The following SAMD3 variants were observed in gnomAD, a reference collection of about 807,000 sequenced individuals.
SAMD3 encodes sterile alpha motif domain containing 3, also known as sterile alpha motif domain-containing protein 3.
Under a neutral mutation model 58.5 loss-of-function variants are expected in SAMD3, and 63 were observed. The ratio of observed to expected loss-of-function variants is 1.08; its 90% CI spans 0.88 to 1.33. SAMD3 has a LOEUF of 1.33. Among genes scored for constraint, SAMD3 ranks in the 40% most tolerant of loss-of-function variants. SAMD3 has a pLI of 0.00. For synonymous variants in SAMD3, 220 were observed against 210.3 expected (o/e 1.05, Z -0.40); for missense variants, 604 against 608.4 (o/e 0.99, Z 0.08).
At chr6:130,170,100 A>G (rs1311307064) in intron 8 of SAMD3, among the ~76,000 whole-genome samples, 2 of 152,206 alleles carry the variant, frequency 1.3e-5, no homozygotes, top group African/African-American at 4.8e-5. Context: ...GTTAATAGGT[A>G]CACATGTACC....
chr6:130,361,404 G>A (rs1777985716), intron 1 of SAMD3, among the ~76,000 whole-genome samples: 1 of 152,136 alleles, frequency 6.6e-6, no homozygotes, highest in Non-Finnish European at 1.5e-5. Context: ...TAAATAGCAC[G>A]ATTTAAACTG....
At chr6:130,175,423 G>A (rs1791631082) in intron 8 of SAMD3, among the ~76,000 whole-genome samples, 1 of 152,164 alleles carries the variant, frequency 6.6e-6, no homozygotes, top group Admixed American at 6.5e-5. Flanking sequence ...TTGTATCCAT[G>A]CATGTGGGTT....
intron 5 of SAMD3, among the ~76,000 whole-genome samples, chr6:130,202,084 G>C (rs1426545204): frequency 1.3e-5 from 2 of 152,184 alleles, no homozygotes; most frequent in Non-Finnish European, 2.9e-5. Flanking sequence ...AAGAAAAACA[G>C]ATTAGAAATC....
chr6:130,232,120 C>T (rs1035562908), intron 2 of SAMD3, among the ~76,000 whole-genome samples: 17 of 152,082 alleles, frequency 1.1e-4, no homozygotes, highest in African/African-American at 4.1e-4. Context: ...TGTCAGTGTC[C>T]ACCCACAGCC....
intron 2 of SAMD3, among the ~76,000 whole-genome samples, chr6:130,240,504 A>G (rs938988945): frequency 2.0e-5 from 3 of 152,232 alleles, no homozygotes; most frequent in African/African-American, 7.2e-5. Flanking sequence ...TTTTGAAAAC[A>G]GTCTAAATCA....
intron 2 of SAMD3, among the ~76,000 whole-genome samples, chr6:130,231,174 A>G (rs575296090): frequency 1.3e-5 from 2 of 152,352 alleles, no homozygotes; most frequent in South Asian, 4.1e-4. Flanking sequence ...AGTTAAGATA[A>G]TAATACACGA....
intron 5 of SAMD3, among the ~76,000 whole-genome samples, chr6:130,206,594 A>G (rs903922101): frequency 6.6e-5 from 10 of 152,318 alleles, no homozygotes; most frequent in African/African-American, 2.2e-4. Flanking sequence ...AATATATACT[A>G]AGGCAGGACA....
chr6:130,259,593 A>G (rs1774043600), intron 2 of SAMD3, among the ~76,000 whole-genome samples: 1 of 152,246 alleles, frequency 6.6e-6, no homozygotes, highest in South Asian at 2.1e-4. Flanking sequence ...AATGATCAAA[A>G]GATACAGTGA....
chr6:130,198,193 T>C (rs995904667), intron 5 of SAMD3, among the ~76,000 whole-genome samples: 4 of 152,156 alleles, frequency 2.6e-5, no homozygotes, highest in African/African-American at 9.7e-5. Context: ...CAAAGCCTGT[T>C]TGGTGGTCTC....
chr6:130,308,736 T>C (rs1776037156), intron 2 of SAMD3, among the ~76,000 whole-genome samples: 1 of 152,120 alleles, frequency 6.6e-6, no homozygotes, highest in African/African-American at 2.4e-5. Flanking sequence ...ACTTCTTAGA[T>C]ACTGATTCAC....
At chr6:130,325,258 C>G (rs1481578486) in intron 1 of SAMD3, among the ~76,000 whole-genome samples, 1 of 152,118 alleles carries the variant, frequency 6.6e-6, no homozygotes, top group Non-Finnish European at 1.5e-5. Flanking sequence ...CCAAGAGTCC[C>G]TTGATATGGT....
At position 130,255,167 on chromosome 6, in the gene SAMD3, A is replaced by C. The variant is rs140217941; in HGVS notation, c.-187-32354T>G. ...CATTGTGATCAGAAAATGGTACTTT[A>C]TATGATTTCAGTTTTCTTAACTTTG... On this transcript the variant is annotated intron_variant, in intron 2 of 13. Transcript: ENST00000368134. Among the ~76,000 whole-genome samples the C allele has an allele frequency of 3.7e-4, 56 of 152,268 alleles. 1 individual carries two copies. Among genetic ancestry groups the C allele is most frequent in the African/African-American group, 1.1e-3 (46 of 41,566 alleles).
intron 9 of SAMD3, 76 bp downstream of exon 9, chr6:130,154,749 A>G (rs895043895): frequency 9.8e-6 from 4 of 407,154 alleles, no homozygotes; most frequent in Non-Finnish European, 1.7e-5. Context: ...ATATGTATGT[A>G]TATATAATAT....
chr6:130,272,446 T>G (rs2114938051), intron 2 of SAMD3, among the ~76,000 whole-genome samples: 1 of 152,292 alleles, frequency 6.6e-6, no homozygotes, highest in Admixed American at 6.5e-5. Context: ...CATCTAAGTC[T>G]TTACAGTGTT....
At chr6:130,227,396 C>G (rs1032265848), upstream of SAMD3, among the ~76,000 whole-genome samples, 1 of 152,156 alleles carries the variant, frequency 6.6e-6, no homozygotes, top group Non-Finnish European at 1.5e-5. Context: ...CTTTTTCAAT[C>G]TTTTGACTAT....
chr6:130,289,287 C>T (rs576096876), intron 2 of SAMD3, among the ~76,000 whole-genome samples: 4 of 152,170 alleles, frequency 2.6e-5, no homozygotes, highest in Non-Finnish European at 4.4e-5. Flanking sequence ...GGACTCCATA[C>T]GTATTTGAAA....
chr6:130,186,031 T>C (rs1792932040), intron 5 of SAMD3, among the ~76,000 whole-genome samples: 1 of 152,158 alleles, frequency 6.6e-6, no homozygotes, highest in Non-Finnish European at 1.5e-5. Flanking sequence ...TTAAAGTTAG[T>C]GACTGACCAC....
intron 8 of SAMD3, among the ~76,000 whole-genome samples, chr6:130,162,742 CA>C (rs1175132892): frequency 1.3e-5 from 2 of 152,132 alleles, no homozygotes; most frequent in African/African-American, 4.8e-5. Context: ...TTCTGAACAT[CA>C]CCAGCAAGTA....
At chr6:130,320,746 A>G (rs576715128) in intron 1 of SAMD3, among the ~76,000 whole-genome samples, 64 of 152,356 alleles carry the variant, frequency 4.2e-4, no homozygotes, top group Non-Finnish European at 9.0e-4. Context: ...ATTATTATTT[A>G]TATAAATGTC....
Sources: allele counts gnomAD v4.1 joint callset (sites outside exome capture counted in the v4.1 genomes callset), GRCh38; gene constraint gnomAD v4.1.1; transcripts MANE v1.5; gene names NCBI Gene and HGNC (gene_info 2026-07-23, HGNC 2026-07-21).